The following TAFA1 variants were observed in gnomAD, a reference collection of about 807,000 sequenced individuals.
TAFA1 encodes the protein TAFA chemokine like family member 1.
A neutral mutation model predicts 18.5 loss-of-function variants in TAFA1; 4 were observed. That is an observed-to-expected ratio of 0.22 (90% confidence interval 0.11 to 0.49). The LOEUF is 0.49. Ranked by LOEUF, TAFA1 falls within the 20% of genes least tolerant of loss-of-function variation. The probability of loss-of-function intolerance (pLI) is 0.98; values close to 1 mark genes in which losing one functional copy is unlikely to be tolerated. For synonymous variants in TAFA1, 56 were observed against 55.2 expected (o/e 1.01, Z -0.06); for missense variants, 147 against 169.0 (o/e 0.87, Z 0.72).
chr3:68,138,211 A>C (rs903465041), intron 2 of TAFA1, among the ~76,000 whole-genome samples: 12 of 152,212 alleles, frequency 7.9e-5, no homozygotes, highest in African/African-American at 2.9e-4. Flanking sequence ...GGAGTTGAGC[A>C]GAGCCATGTG....
At chr3:68,364,955 C>A (rs1461625128) in intron 2 of TAFA1, among the ~76,000 whole-genome samples, 4 of 152,142 alleles carry the variant, frequency 2.6e-5, no homozygotes, top group African/African-American at 9.7e-5. Context: ...CATGTGTTTG[C>A]AGAATCTCCA....
chr3:68,388,413 T>C (rs1320092308), intron 2 of TAFA1, among the ~76,000 whole-genome samples: 3 of 152,186 alleles, frequency 2.0e-5, no homozygotes, highest in Non-Finnish European at 4.4e-5. Flanking sequence ...TCACTGTGAA[T>C]TTAGACCTTT....
chr3:68,511,990 C>G (rs113331354), intron 3 of TAFA1, among the ~76,000 whole-genome samples: 1,727 of 152,078 alleles, frequency 0.011, 19 homozygotes, highest in African/African-American at 0.039. Context: ...TTTCATATAT[C>G]ATTACCTCAA....
intron 2 of TAFA1, among the ~76,000 whole-genome samples, chr3:68,125,663 A>G (rs1366475851): frequency 2.6e-5 from 4 of 152,314 alleles, no homozygotes; most frequent in Non-Finnish European, 5.9e-5. Context: ...GAATTTAACA[A>G]GACACTGTCT....
chr3:68,199,231 T>G (rs765163665), intron 2 of TAFA1, among the ~76,000 whole-genome samples: 2 of 151,594 alleles, frequency 1.3e-5, no homozygotes, highest in African/African-American at 2.4e-5. Context: ...TGTATTCTTT[T>G]TACCAATACC....
rs573804296 is a variant in TAFA1, at chr3:68,385,515, C to CT, written c.119-31757dup. 7.9e-5 allele frequency among the ~76,000 whole-genome samples: 12 copies of CT among 151,968 alleles called. No individual in the cohort carries two copies. In the East Asian group the frequency reaches 1.9e-3, roughly 24 times the overall value. On this transcript the variant is annotated intron_variant, in intron 2 of 4. Transcript: ENST00000478136. ...CTTAAAGTCTCTGGGCCTGTTTTATCTTTTTTTTAAAAGGATACACTATTC... is the reference window on the plus strand; with the variant it reads ...CTTAAAGTCTCTGGGCCTGTTTTATCTTTTTTTTTAAAAGGATACACTATTC...
chr3:68,410,899 A>G (rs1354408927), intron 2 of TAFA1, among the ~76,000 whole-genome samples: 1 of 152,194 alleles, frequency 6.6e-6, no homozygotes, highest in Non-Finnish European at 1.5e-5. Flanking sequence ...TATCATTCTG[A>G]AATAACATTG....
intron 2 of TAFA1, among the ~76,000 whole-genome samples, chr3:68,412,274 G>A (rs1316170555): frequency 6.6e-6 from 1 of 152,012 alleles, no homozygotes; most frequent in Non-Finnish European, 1.5e-5. Flanking sequence ...TATATGGGGT[G>A]AGGGTCTGGG....
At chr3:68,197,934 T>G (rs1575674522) in intron 2 of TAFA1, among the ~76,000 whole-genome samples, 1 of 151,768 alleles carries the variant, frequency 6.6e-6, no homozygotes, top group South Asian at 2.1e-4. Flanking sequence ...CCTGCTAGAA[T>G]GTAAGTTCTG....
chr3:68,276,391 T>C (rs1427407469), intron 2 of TAFA1, among the ~76,000 whole-genome samples: 3 of 152,158 alleles, frequency 2.0e-5, no homozygotes, highest in Admixed American at 6.6e-5. Flanking sequence ...CAACCCAAAA[T>C]GTCTGCAGAC....
rs1286182781 is a variant in TAFA1 at position 68,545,246 on chromosome 3, T to A, written c.*743T>A. On this transcript the variant is annotated 3_prime_UTR_variant, in exon 5 of 5. Transcript: ENST00000478136. ...AAATATTTTTAGAACTACTAGCTTT[T>A]CCACTTAGAAGAAAATGAGGATTCT... is the stretch of plus-strand genomic sequence containing the variant. The A allele has an allele frequency of 6.6e-6, 1 of 152,552 alleles. No homozygotes were observed. Among genetic ancestry groups the A allele is most frequent in the Admixed American group, 6.6e-5 (1 of 15,250 alleles). The allele number at this position is 152,552 out of a possible 1,614,324, so 9.4% of individuals were successfully genotyped here.
At chr3:68,230,535 G>A (rs2066860009) in intron 2 of TAFA1, among the ~76,000 whole-genome samples, 1 of 152,094 alleles carries the variant, frequency 6.6e-6, no homozygotes. Flanking sequence ...TGGGCACTTA[G>A]GTTGATTTCA....
chr3:68,424,033 C>G (rs767709582), intron 3 of TAFA1, among the ~76,000 whole-genome samples: 1 of 152,024 alleles, frequency 6.6e-6, no homozygotes, highest in Non-Finnish European at 1.5e-5. Context: ...AGAAAACTTT[C>G]TTTCACGGCA....
chr3:68,334,030 G>A (rs796582343), intron 2 of TAFA1, among the ~76,000 whole-genome samples: 4 of 152,192 alleles, frequency 2.6e-5, no homozygotes, highest in African/African-American at 9.6e-5. Flanking sequence ...TTGGTCTAAG[G>A]GTACAAAACT....
intron 3 of TAFA1, among the ~76,000 whole-genome samples, chr3:68,450,418 G>A (rs553891448): frequency 6.6e-6 from 1 of 152,316 alleles, no homozygotes; most frequent in South Asian, 2.1e-4. Flanking sequence ...TGAGTTACAA[G>A]TTTGAATTTA....
At chr3:68,261,948 C>T (rs1454140682) in intron 2 of TAFA1, among the ~76,000 whole-genome samples, 2 of 150,344 alleles carry the variant, frequency 1.3e-5, no homozygotes, top group African/African-American at 4.9e-5. Context: ...AGAAAGTGAC[C>T]CCAGTATGAG....
At chr3:68,240,978 A>C (rs954094961) in intron 2 of TAFA1, among the ~76,000 whole-genome samples, 1 of 152,142 alleles carries the variant, frequency 6.6e-6, no homozygotes, top group Non-Finnish European at 1.5e-5. Flanking sequence ...TGAGATGATA[A>C]AATCAGCTCT....
At chr3:68,077,599 G>A (rs2064843121) in intron 2 of TAFA1, among the ~76,000 whole-genome samples, 1 of 151,698 alleles carries the variant, frequency 6.6e-6, no homozygotes, top group Non-Finnish European at 1.5e-5. Context: ...TCTCAGGTTT[G>A]TCAAAGATCA....
At chr3:68,465,380 A>T (rs530487149) in intron 3 of TAFA1, among the ~76,000 whole-genome samples, 1 of 152,166 alleles carries the variant, frequency 6.6e-6, no homozygotes, top group Non-Finnish European at 1.5e-5. Context: ...ATGACTAGAC[A>T]GCTGTAGGTG....
Sources: allele counts gnomAD v4.1 joint callset (sites outside exome capture counted in the v4.1 genomes callset), GRCh38; gene constraint gnomAD v4.1.1; transcripts MANE v1.5; gene names NCBI Gene and HGNC (gene_info 2026-07-23, HGNC 2026-07-21).